Variants in LAMC3 observed in about 807,000 individuals in gnomAD.
LAMC3 encodes the protein laminin subunit gamma-3.
A neutral mutation model predicts 173.8 loss-of-function variants in LAMC3; 128 were observed. That is an observed-to-expected ratio of 0.74 (90% confidence interval 0.64 to 0.85). The LOEUF (loss-of-function observed/expected upper bound fraction) is 0.85, where lower values mean the gene tolerates loss of function less well. Among genes scored for constraint, LAMC3 ranks in the 40% least tolerant of loss-of-function variants. The pLI, the probability that LAMC3 is intolerant of heterozygous loss-of-function variation, is 0.00. For synonymous variants in LAMC3, 897 were observed against 909.1 expected (o/e 0.99, Z 0.24); for missense variants, 2,022 against 2,156.0 (o/e 0.94, Z 1.23).
rs558955715 is a variant in LAMC3 at position 131,042,128 on chromosome 9, C to G, written c.1382+393C>G. On this transcript the variant is annotated intron_variant, in intron 7 of 27. Coordinates refer to ENST00000361069, the MANE Select transcript of LAMC3 (RefSeq NM_006059.4). ...ACTATCACAGGCCTCCCGTTTCACA[C>G]TCACTGCAGACATAGCTAATGGAGC... 1.2e-3 allele frequency among the ~76,000 whole-genome samples: 187 copies of G among 152,172 alleles called. 2 individuals are homozygous for G. The highest frequency in any genetic ancestry group is 1.4e-3 in the Non-Finnish European group (95 of 67,994).
Position 131,026,454 on chromosome 9 carries a change from C to T in LAMC3, c.543C>T (p.Pro181=), listed in dbSNP as rs777910793. The change falls in exon 2 of 28, where the codon CCC becomes CCT. Residue 181 remains proline (P), a synonymous_variant. Coordinates refer to ENST00000361069, the MANE Select transcript of LAMC3 (RefSeq NM_006059.4). This position sits in a 1 kb window ranked among gnomAD's most constrained non-coding sequence, Gnocchi z 4.8. Reference sequence around the variant, plus strand: ...GGCCCGAGGGCCAGTACCTGCGCCCCGGCGAGGACGAGCGCGTGGCCTTCT... The same window carrying T: ...GGCCCGAGGGCCAGTACCTGCGCCCTGGCGAGGACGAGCGCGTGGCCTTCT... ...YGRPEGQYLR[P]GEDERVAFCT... 67 of 1,613,480 alleles carry T rather than the reference C, an allele frequency of 4.2e-5. No homozygotes were observed. The highest frequency in any genetic ancestry group is 3.1e-4 in the South Asian group (28 of 91,082).
At chr9:131,066,737 T>C (rs1829940366) in intron 13 of LAMC3, among the ~76,000 whole-genome samples, 1 of 152,146 alleles carries the variant, frequency 6.6e-6, no homozygotes, top group African/African-American at 2.4e-5. Context: ...CTGCCATTGT[T>C]GTCCCCGCTT....
intron 1 of LAMC3, among the ~76,000 whole-genome samples, chr9:131,022,712 C>T (rs963010950): frequency 2.0e-5 from 3 of 152,036 alleles, no homozygotes; most frequent in African/African-American, 4.8e-5. Flanking sequence ...CAAGCCACCA[C>T]GCCCAGCTAA....
chr9:131,046,824 C>G (rs1834172198), intron 8 of LAMC3, among the ~76,000 whole-genome samples: 1 of 152,082 alleles, frequency 6.6e-6, no homozygotes, highest in Non-Finnish European at 1.5e-5. Flanking sequence ...TTCCGCCTGT[C>G]CCCAGGAAGG....
intron 22 of LAMC3, 98 bp from the exon 23 acceptor site, chr9:131,079,051 C>T: frequency 6.8e-7 from 1 of 1,466,922 alleles, no homozygotes; most frequent in South Asian, 1.2e-5. Flanking sequence ...CAGGGGCAGA[C>T]CCGCCGCCTC....
At position 131,093,941 on chromosome 9, in the gene LAMC3, G is replaced by T. The variant is rs1186708562; in HGVS notation, c.*2154G>T. ...CAATTCTCCTGCCTCAGCCTCCCGA[G>T]TAGCTAGGACTACAGGTGCTTGCCA... On this transcript the variant is annotated 3_prime_UTR_variant, in exon 28 of 28. Coordinates refer to ENST00000361069, the MANE Select transcript of LAMC3 (RefSeq NM_006059.4). 6.6e-6 allele frequency: 1 copy of T among 152,300 alleles called. No individual in the cohort carries two copies. Among genetic ancestry groups the T allele is most frequent in the African/African-American group, 2.4e-5 (1 of 41,438 alleles). 9.4% of individuals were successfully genotyped at this position (152,300 alleles called of 1,614,324 possible). A position where few individuals can be genotyped will look rare whatever the true frequency, so the allele number is the denominator to read the frequency against.
chr9:131,043,844 TATTA>T (rs1313387761), intron 7 of LAMC3, among the ~76,000 whole-genome samples: 1 of 152,166 alleles, frequency 6.6e-6, no homozygotes, highest in Admixed American at 6.5e-5. Context: ...TCAAAATATC[TATTA>T]ATTACTGGGG....
rs746425497 is a variant in LAMC3, at chr9:131,091,844, G to T, written c.*57G>T. On this transcript the variant is annotated 3_prime_UTR_variant, in exon 28 of 28. Transcript: ENST00000361069. ...CACCTGCTGTTTACATGACCCAGGG[G>T]GTGCACACTACCCCACAGGTGTGCC... is the stretch of plus-strand genomic sequence containing the variant. 6.3e-7 allele frequency: 1 copy of T among 1,598,202 alleles called. No individual in the cohort carries two copies. Among genetic ancestry groups the T allele is most frequent in the African/African-American group, 1.3e-5 (1 of 74,904 alleles).
rs45588631 is a variant in LAMC3, at chr9:131,068,782, C to T, written c.2748-126C>T. On this transcript the variant is annotated intron_variant, in intron 15 of 27. Transcript: ENST00000361069. The stretch of plus-strand genomic sequence containing the variant: ...CAGCTGGGGAAGCTGTGCCATGCAC[C>T]GAGAGGAGATGGGGTCTTGTCAGCA... 0.017 allele frequency: 15,885 copies of T among 955,964 alleles called. 198 individuals are homozygous for T. The highest frequency in any genetic ancestry group is 0.021 in the Middle Eastern group (64 of 2,994). 59.2% of individuals were successfully genotyped at this position (955,964 alleles called of 1,614,324 possible).
At chr9:131,059,421 GGCGGA>G (rs1829762527) in intron 12 of LAMC3, among the ~76,000 whole-genome samples, 1 of 147,884 alleles carries the variant, frequency 6.8e-6, no homozygotes, top group Non-Finnish European at 1.5e-5. Context: ...GAACCCAGGG[GGCGGA>G]GGTTGCAGTG....
At chr9:131,062,629 G>C (rs1477408978) in intron 13 of LAMC3, among the ~76,000 whole-genome samples, 1 of 152,238 alleles carries the variant, frequency 6.6e-6, no homozygotes, top group South Asian at 2.1e-4. Flanking sequence ...AGCACTTTGC[G>C]AGGCTGAGGC....
intron 1 of LAMC3, among the ~76,000 whole-genome samples, chr9:131,018,084 A>G (rs544858967): frequency 2.0e-5 from 3 of 152,262 alleles, no homozygotes; most frequent in Admixed American, 1.3e-4. Flanking sequence ...TTGTGATGAA[A>G]AAGTTTCTTC....
chr9:131,015,351 G>C (rs965676547), intron 1 of LAMC3, among the ~76,000 whole-genome samples: 2 of 152,106 alleles, frequency 1.3e-5, no homozygotes, highest in African/African-American at 2.4e-5. Context: ...ACCCTGCCCT[G>C]CCCTGCTCTC....
At chr9:131,023,978 T>C (rs1833675865) in intron 1 of LAMC3, among the ~76,000 whole-genome samples, 2 of 152,336 alleles carry the variant, frequency 1.3e-5, no homozygotes, top group South Asian at 4.1e-4. Context: ...TGCCTTTTCA[T>C]TTTCTCAGTG....
chr9:131,011,969 G>T (rs767983300), intron 1 of LAMC3, among the ~76,000 whole-genome samples: 44 of 151,964 alleles, frequency 2.9e-4, no homozygotes, highest in Non-Finnish European at 6.0e-4. Context: ...ACTCTGCCTA[G>T]AACCTTAGAA....
At chr9:131,064,628 C>T (rs1344847013) in intron 13 of LAMC3, among the ~76,000 whole-genome samples, 8 of 149,064 alleles carry the variant, frequency 5.4e-5, no homozygotes, top group African/African-American at 9.9e-5. Context: ...CGCGCCACTG[C>T]ACTCCAGCCT....
chr9:131,078,236 A>T (rs1489725879), intron 22 of LAMC3, among the ~76,000 whole-genome samples: 1 of 152,186 alleles, frequency 6.6e-6, no homozygotes, highest in Non-Finnish European at 1.5e-5. Context: ...TCACACCTGT[A>T]ATCCTAGCAC....
chr9:131,072,336 CAG>C (rs1270048273), intron 18 of LAMC3, among the ~76,000 whole-genome samples: 3 of 152,176 alleles, frequency 2.0e-5, no homozygotes, highest in Non-Finnish European at 4.4e-5. Flanking sequence ...CATTGTGAAT[CAG>C]AGCTGATTTG....
At chr9:131,027,839 G>A (rs1480737837) in intron 2 of LAMC3, among the ~76,000 whole-genome samples, 2 of 152,152 alleles carry the variant, frequency 1.3e-5, no homozygotes, top group Admixed American at 1.3e-4. Context: ...CTGGCCTGTC[G>A]CCATGTCAGT....
Sources: allele counts gnomAD v4.1 joint callset (sites outside exome capture counted in the v4.1 genomes callset), GRCh38; gene constraint gnomAD v4.1.1; non-coding constraint Gnocchi (gnomAD v3.1); transcripts MANE v1.5; gene names NCBI Gene and HGNC (gene_info 2026-07-23, HGNC 2026-07-21).